CCDC181: variants seen among roughly 807,000 people sequenced by gnomAD.
CCDC181 encodes coiled-coil domain-containing protein 181.
Under a neutral mutation model 58.7 loss-of-function variants are expected in CCDC181, and 35 were observed. The observed-to-expected ratio is 0.60, with a 90% confidence interval of 0.46 to 0.79. CCDC181 has a LOEUF of 0.79. Ranked by LOEUF, CCDC181 falls within the 30% of genes least tolerant of loss-of-function variation. The pLI is 0.00. For synonymous variants in CCDC181, 183 were observed against 197.5 expected, an observed-to-expected ratio of 0.93 and a Z score of 0.62; for missense variants, 517 against 583.9, an observed-to-expected ratio of 0.89 and a Z score of 1.18.
At chr1:169,438,534 A>T (rs1170577768) in intron 2 of CCDC181, among the ~76,000 whole-genome samples, 1 of 152,198 alleles carries the variant, frequency 6.6e-6, no homozygotes, top group Non-Finnish European at 1.5e-5. Flanking sequence ...TGCATGGGGA[A>T]CCGAATTAAC....
At chr1:169,420,483 C>T (rs908262660) in intron 3 of CCDC181, among the ~76,000 whole-genome samples, 6 of 151,036 alleles carry the variant, frequency 4.0e-5, no homozygotes, top group African/African-American at 1.5e-4. Context: ...GTAGATAACA[C>T]ACCATTTCTC....
chr1:169,395,232 T>G, intron 5 of CCDC181, 26 bp from the exon 6 acceptor site: 1 of 1,597,554 alleles, frequency 6.3e-7, no homozygotes. Context: ...TGATCAGATT[T>G]GGTGAGTATC....
At chr1:169,397,865 CAT>C (rs1409072457) in intron 4 of CCDC181, among the ~76,000 whole-genome samples, 11 of 152,300 alleles carry the variant, frequency 7.2e-5, no homozygotes, top group South Asian at 2.1e-4. Flanking sequence ...AGTGTCACCT[CAT>C]GTGGATTCCT....
At position 169,398,881 on chromosome 1, in the gene CCDC181, A is replaced by G. The variant is rs559503107; in HGVS notation, c.1216-1490T>C. Among the ~76,000 whole-genome samples, 3 of 152,310 alleles carry G rather than the reference A, an allele frequency of 2.0e-5. No individual in the cohort carries two copies. The South Asian group carries it at 6.2e-4, about 32-fold the overall frequency. The stretch of plus-strand genomic sequence containing the variant: ...GGGTAATAAACACAGCAGTGAGGAG[A>G]AAGGATGGTATTTAAATAGAAAGGG... On this transcript the variant is annotated intron_variant, in intron 4 of 5. Transcript: ENST00000367806.
intron 4 of CCDC181, among the ~76,000 whole-genome samples, chr1:169,410,159 C>T (rs11487548): frequency 0.049 from 6,677 of 136,152 alleles, 204 homozygotes; most frequent in East Asian, 0.13. Context: ...CAGAGACACA[C>T]ATAGGCTCAA....
rs551266280 is a variant in CCDC181, at chr1:169,445,727, T to C, written c.-24+14070A>G. On this transcript the variant is annotated intron_variant, in intron 2 of 6. Coordinates refer to the CCDC181 transcript ENST00000545005. ...ATTGGTATCATTTCTTGCTTAAATA[T>C]TTGGTACATTTCACCAGTGAAACAA... is the stretch of plus-strand genomic sequence containing the variant. Among the ~76,000 whole-genome samples the C allele has an allele frequency of 3.3e-5, 5 of 152,304 alleles. No homozygotes were observed. The East Asian group carries it at 9.6e-4, about 29-fold the overall frequency.
chr1:169,402,598 G>C (rs970880222), intron 4 of CCDC181, among the ~76,000 whole-genome samples: 1 of 152,046 alleles, frequency 6.6e-6, no homozygotes, highest in African/African-American at 2.4e-5. Flanking sequence ...TTACAGACAA[G>C]CAAATGCTGA....
chr1:169,460,585 C>G (rs1057273668), exon 1 of CCDC181: 1 of 152,396 alleles, frequency 6.6e-6, no homozygotes, highest in Non-Finnish European at 1.5e-5. Flanking sequence ...CAGTCTTCAG[C>G]CGCACACCCA....
Position 169,457,787 on chromosome 1 carries a change from A to G in CCDC181, c.-24+2010T>C, listed in dbSNP as rs78245968. Among the ~76,000 whole-genome samples the G allele has an allele frequency of 1.3e-3, 196 of 152,322 alleles. 5 individuals carry two copies. In the East Asian group the frequency reaches 0.029, roughly 22 times the overall value. On this transcript the variant is annotated intron_variant, in intron 2 of 6. Transcript: ENST00000545005. ...AAAAAGAACATAAATATGTAATTAT[A>G]TAGCAAATATACATGTACAATATTC...
intron 2 of CCDC181, among the ~76,000 whole-genome samples, chr1:169,453,357 CTA>C (rs1657598418): frequency 6.6e-6 from 1 of 152,118 alleles, no homozygotes; most frequent in South Asian, 2.1e-4. Flanking sequence ...TTGATGCACA[CTA>C]AATAGTAATG....
intron 4 of CCDC181, among the ~76,000 whole-genome samples, chr1:169,406,701 G>A (rs1655675260): frequency 6.6e-6 from 1 of 151,742 alleles, no homozygotes; most frequent in South Asian, 2.1e-4. Context: ...TGAGTTAACG[G>A]GTGCAGCACA....
intron 2 of CCDC181, among the ~76,000 whole-genome samples, chr1:169,450,313 A>G (rs1657500631): frequency 6.6e-6 from 1 of 152,126 alleles, no homozygotes; most frequent in South Asian, 2.1e-4. Flanking sequence ...TTCCCCCTCT[A>G]TCTACAGAAC....
At chr1:169,407,736 ATCTCACTAGGACTG>A (rs1232488139) in intron 4 of CCDC181, among the ~76,000 whole-genome samples, 1 of 152,206 alleles carries the variant, frequency 6.6e-6, no homozygotes, top group East Asian at 1.9e-4. Flanking sequence ...CACTCGGCTC[ATCTCACTAGGACTG>A]GTTAGACAGT....
chr1:169,444,717 C>T lies in CCDC181; in HGVS notation c.-24+15080G>A, dbSNP rs1348010827. ...AGTGACAATCCAAAAGCAGTGGTGG[C>T]TACATATTTTTCTTCTCTGGCCTTG... On this transcript the variant is annotated intron_variant, in intron 2 of 6. Transcript: ENST00000545005. Among the ~76,000 whole-genome samples, 3 of 152,206 alleles carry T rather than the reference C, an allele frequency of 2.0e-5. No homozygotes were observed. In the East Asian group the frequency reaches 5.8e-4, roughly 29 times the overall value.
intron 4 of CCDC181, among the ~76,000 whole-genome samples, chr1:169,406,745 C>T (rs1655678940): frequency 6.6e-6 from 1 of 150,600 alleles, no homozygotes. Flanking sequence ...TGTAACAAAC[C>T]TGCACGTTGT....
intron 4 of CCDC181, among the ~76,000 whole-genome samples, chr1:169,410,824 A>G (rs972471328): frequency 6.6e-6 from 1 of 152,242 alleles, no homozygotes; most frequent in Non-Finnish European, 1.5e-5. Flanking sequence ...GGAGAAATAA[A>G]TAAGTTCTTT....
At chr1:169,457,369 C>G (rs1392780976) in intron 2 of CCDC181, among the ~76,000 whole-genome samples, 2 of 152,100 alleles carry the variant, frequency 1.3e-5, no homozygotes, top group Non-Finnish European at 2.9e-5. Flanking sequence ...ATAAGATCTT[C>G]TCATTCTGTT....
Position 169,421,459 on chromosome 1 carries a change from T to G in CCDC181, c.972A>C (p.Ala324=). 6.2e-7 allele frequency: 1 copy of G among 1,614,128 alleles called. No individual in the cohort carries two copies. The highest frequency in any genetic ancestry group is 1.7e-4 in the Middle Eastern group (1 of 6,060). The stretch of plus-strand genomic sequence containing the variant: ...ATGTTGAAGTCACTGGTGAGATATG[T>G]GCAGACTGTGTCCTGTGATTAGATT... ...NGKSNHRTQS[A]HISPVTSTYC... Residue 324 remains alanine, a synonymous_variant, in exon 3 of 6, where the codon GCA becomes GCC. Coordinates refer to ENST00000367806, the MANE Select transcript of CCDC181 (RefSeq NM_001300969.2).
At chr1:169,412,102 G>A in intron 4 of CCDC181, among the ~76,000 whole-genome samples, 1 of 152,190 alleles carries the variant, frequency 6.6e-6, no homozygotes, top group Non-Finnish European at 1.5e-5. Flanking sequence ...TCTGTTTGCA[G>A]ATGATATTAT....
Sources: allele counts gnomAD v4.1 joint callset (sites outside exome capture counted in the v4.1 genomes callset), GRCh38; gene constraint gnomAD v4.1.1; transcripts MANE v1.5; gene names NCBI Gene and HGNC (gene_info 2026-07-23, HGNC 2026-07-21).